AK4: variants seen among roughly 807,000 people sequenced by gnomAD.
The protein encoded by AK4 is adenylate kinase 4.
AK4 carries 13 observed loss-of-function variants against 24.6 expected under a neutral mutation model. The ratio of observed to expected loss-of-function variants is 0.53; its 90% confidence interval spans 0.34 to 0.84. The LOEUF (loss-of-function observed/expected upper bound fraction) is 0.84. Ranked by LOEUF, AK4 falls within the 40% of genes least tolerant of loss-of-function variation. The pLI, the probability that AK4 is intolerant of heterozygous loss-of-function variation, is 0.01. For synonymous variants in AK4, 88 were observed against 107.0 expected, an observed-to-expected ratio of 0.82 and a Z score of 1.10; for missense variants, 192 against 288.2, an observed-to-expected ratio of 0.67 and a Z score of 2.42.
At position 65,231,211 on chromosome 1, in the gene AK4, A is replaced by C. The variant is rs1477877837; in HGVS notation, c.*5034A>C. On this transcript the variant is annotated 3_prime_UTR_variant, in exon 5 of 5. Transcript: ENST00000327299. Reference sequence around the variant, plus strand: ...ACTGTGAAAAAAATCTGCTTCCTGCATCTGTTGAAATATAGTTGTTCATAC... The same window carrying C: ...ACTGTGAAAAAAATCTGCTTCCTGCCTCTGTTGAAATATAGTTGTTCATAC... 6.6e-6 allele frequency: 1 copy of C among 152,214 alleles called. No homozygotes were observed. Among genetic ancestry groups the C allele is most frequent in the African/African-American group, 2.4e-5 (1 of 41,458 alleles). The allele number at this position is 152,214 out of a possible 1,614,324, so 9.4% of individuals were successfully genotyped here.
chr1:65,159,300 T>G (rs1232666048), intron 1 of AK4, among the ~76,000 whole-genome samples: 2 of 152,178 alleles, frequency 1.3e-5, no homozygotes, highest in African/African-American at 4.8e-5. Context: ...CCCACACAGA[T>G]CTCCAGAGCA....
intron 2 of AK4, among the ~76,000 whole-genome samples, chr1:65,198,576 C>T (rs1651559610): frequency 6.6e-6 from 1 of 152,138 alleles, no homozygotes; most frequent in African/African-American, 2.4e-5. Flanking sequence ...TATTCAGCCA[C>T]ACATGGTACA....
At chr1:65,158,616 T>G (rs961889266) in intron 1 of AK4, among the ~76,000 whole-genome samples, 1 of 152,176 alleles carries the variant, frequency 6.6e-6, no homozygotes, top group Non-Finnish European at 1.5e-5. Flanking sequence ...TTCTTGTGCC[T>G]CAGCCTCCCG....
At chr1:65,177,223 T>C (rs988864040) in intron 1 of AK4, among the ~76,000 whole-genome samples, 5 of 129,376 alleles carry the variant, frequency 3.9e-5, no homozygotes, top group South Asian at 4.7e-4. Flanking sequence ...TGAGGTCTCT[T>C]TTTCCCTCAG....
intron 2 of AK4, among the ~76,000 whole-genome samples, chr1:65,193,203 T>C (rs542217528): frequency 1.3e-5 from 2 of 152,340 alleles, no homozygotes; most frequent in African/African-American, 4.8e-5. Flanking sequence ...GAGGAAGCCA[T>C]GCTCTGTAGG....
At chr1:65,212,855 C>G (rs1652013795) in intron 2 of AK4, among the ~76,000 whole-genome samples, 1 of 152,162 alleles carries the variant, frequency 6.6e-6, no homozygotes, top group South Asian at 2.1e-4. Flanking sequence ...TAAACTGAGG[C>G]TAATAACTTC....
chr1:65,226,283 C>A lies in AK4; in HGVS notation c.*106C>A. ...AGCTAGCTGAGGTAGCTTGCAGCAT[C>A]TTTTCTAGTTGAAATGGTGAACTGA... On this transcript the variant is annotated 3_prime_UTR_variant, in exon 5 of 5. Coordinates refer to ENST00000327299, the MANE Select transcript of AK4 (RefSeq NM_013410.4). The A allele has an allele frequency of 1.1e-6, 1 of 870,034 alleles. No individual in the cohort carries two copies. The highest frequency in any genetic ancestry group is 1.7e-6 in the Non-Finnish European group (1 of 573,322). 53.9% of individuals were successfully genotyped at this position (870,034 alleles called of 1,614,324 possible). A position where few individuals can be genotyped will look rare whatever the true frequency, so the allele number is the denominator to read the frequency against.
chr1:65,215,958 A>G (rs183346435), intron 2 of AK4, among the ~76,000 whole-genome samples: 1 of 152,320 alleles, frequency 6.6e-6, no homozygotes, highest in Admixed American at 6.5e-5. Context: ...TCAAGGTCAC[A>G]GTTAGTGATG....
intron 1 of AK4, among the ~76,000 whole-genome samples, chr1:65,156,353 C>CT (rs903242986): frequency 2.0e-5 from 3 of 151,772 alleles, no homozygotes; most frequent in Non-Finnish European, 4.4e-5. Context: ...AGCAGTGCCT[C>CT]TTTTTTTTAA....
rs1158775260 is a variant in AK4 at position 65,152,316 on chromosome 1, A to ATCTCTCTCTC, written c.145+3800_145+3809dup. Among the ~76,000 whole-genome samples the ATCTCTCTCTC allele has an allele frequency of 1.8e-3, 59 of 32,480 alleles. 1 individual carries two copies. The highest frequency in any genetic ancestry group is 2.4e-3 in the Admixed American group (4 of 1,680). The allele number at this position is 32,480 out of a possible 152,430, so 21.3% of individuals were successfully genotyped here. The stretch of plus-strand genomic sequence containing the variant: ...GAACAAACCTGTTTCTGCACTTGCT[A>ATCTCTCTCTC]TCTCTCTCTCTCTCTCTCTCTCTCT... On this transcript the variant is annotated intron_variant, in intron 1 of 4. Transcript: ENST00000327299.
At chr1:65,209,003 TA>T (rs1000900598) in intron 2 of AK4, among the ~76,000 whole-genome samples, 3 of 151,700 alleles carry the variant, frequency 2.0e-5, no homozygotes, top group African/African-American at 4.8e-5. Context: ...GGGGGGGTCT[TA>T]AAAAAAACAA....
intron 1 of AK4, among the ~76,000 whole-genome samples, chr1:65,163,425 G>T (rs1650233560): frequency 6.6e-6 from 1 of 152,224 alleles, no homozygotes; most frequent in South Asian, 2.1e-4. Context: ...ACAGAAATCG[G>T]AAGTGAGATA....
upstream of AK4, chr1:65,148,167 A>C: frequency 1.3e-6 from 1 of 752,474 alleles, no homozygotes; most frequent in South Asian, 2.4e-5. Context: ...GAGGGCGAGG[A>C]GGTGGAGAAG....
chr1:65,147,897 G>C (rs1379943176), upstream of AK4: 1 of 153,678 alleles, frequency 6.5e-6, no homozygotes, highest in Non-Finnish European at 1.4e-5. Flanking sequence ...CAGGGGCTCA[G>C]CCCCTAGGCC....
intron 1 of AK4, among the ~76,000 whole-genome samples, chr1:65,175,998 G>A (rs917688814): frequency 4.6e-5 from 7 of 152,138 alleles, no homozygotes; most frequent in South Asian, 2.1e-4. Context: ...GACATAGGAC[G>A]TCCAAAATTT....
chr1:65,215,819 G>T (rs1456873772), intron 2 of AK4, among the ~76,000 whole-genome samples: 5 of 152,196 alleles, frequency 3.3e-5, no homozygotes, highest in Admixed American at 3.3e-4. Context: ...TAGCCAATAA[G>T]ATTTGAGCTT....
Position 65,232,143 on chromosome 1 carries a change from G to A in AK4, c.*5966G>A, listed in dbSNP as rs1389379666. The A allele has an allele frequency of 6.6e-6, 1 of 152,056 alleles. No individual in the cohort carries two copies. Among genetic ancestry groups the A allele is most frequent in the South Asian group, 2.1e-4 (1 of 4,816 alleles). The allele number at this position is 152,056 out of a possible 1,614,324, so 9.4% of individuals were successfully genotyped here. A position where few individuals can be genotyped will look rare whatever the true frequency, so the allele number is the denominator to read the frequency against. The stretch of plus-strand genomic sequence containing the variant: ...AAGTTTTTTTCTGCTTATAGCTAGC[G>A]AATTCATTTGTTTGTATAGCTTTTT... On this transcript the variant is annotated 3_prime_UTR_variant, in exon 5 of 5. Coordinates refer to ENST00000327299, the MANE Select transcript of AK4 (RefSeq NM_013410.4).
chr1:65,157,480 CAAG>C (rs1557437414), intron 1 of AK4, among the ~76,000 whole-genome samples: 1 of 151,968 alleles, frequency 6.6e-6, no homozygotes, highest in Non-Finnish European at 1.5e-5. Flanking sequence ...GGCAAGCAAA[CAAG>C]AAGAAAATAA....
chr1:65,182,088 C>T (rs1650928295), intron 1 of AK4, among the ~76,000 whole-genome samples: 1 of 152,036 alleles, frequency 6.6e-6, no homozygotes, highest in Non-Finnish European at 1.5e-5. Flanking sequence ...ACTAATTTTA[C>T]ATTTTTTATA....
Sources: allele counts gnomAD v4.1 joint callset (sites outside exome capture counted in the v4.1 genomes callset), GRCh38; gene constraint gnomAD v4.1.1; transcripts MANE v1.5; gene names NCBI Gene and HGNC (gene_info 2026-07-23, HGNC 2026-07-21).